NEK9: variants seen among roughly 807,000 people sequenced by gnomAD.
The protein encoded by NEK9 is serine/threonine-protein kinase Nek9.
NEK9 carries 75 observed loss-of-function variants against 123.4 expected under a neutral mutation model. That is an observed-to-expected ratio of 0.61 (90% CI 0.50 to 0.74). The LOEUF (loss-of-function observed/expected upper bound fraction) is 0.74. Among genes scored for constraint, NEK9 ranks in the 30% least tolerant of loss-of-function variants. NEK9 has a pLI of 0.00. For missense variants in NEK9, 952 were observed against 1,214.4 expected, an observed-to-expected ratio of 0.78 and a Z score of 3.21; for synonymous variants, 438 against 458.7, an observed-to-expected ratio of 0.95 and a Z score of 0.58.
At position 75,087,154 on chromosome 14, in the gene NEK9, G is replaced by C. The variant is rs529709953; in HGVS notation, c.2681C>G (p.Ser894Cys). 2.1e-5 allele frequency: 34 copies of C among 1,614,154 alleles called. No individual in the cohort carries two copies. The Admixed American group carries it at 5.0e-4, about 24-fold the overall frequency. ...PLTPPACACS[S>C]LQVEVERLQG... ...CAATCTCTCAACCTCCACCTGCAGA[G>C]AGCTGCACGCACACGCAGGAGGAGT... The change falls in exon 21 of 22, where the codon TCT (serine) becomes TGT (cysteine). Residue 894 changes from serine (S) to cysteine (C), a missense_variant. This residue lies in a region of NEK9 where 698 missense variants were observed against 875.6 expected (regional missense o/e 0.80). Transcript: ENST00000238616.
chr14:75,091,433 C>T lies in NEK9; in HGVS notation c.2279G>A (p.Gly760Asp). 6.2e-7 allele frequency: 1 copy of T among 1,609,816 alleles called. No homozygotes were observed. Among genetic ancestry groups the T allele is most frequent in the Non-Finnish European group, 8.5e-7 (1 of 1,178,274 alleles). Residue 760 changes from glycine (G) to aspartate (D), a missense_variant, in exon 19 of 22, where the codon GGT becomes GAT. Around this residue, in one of 4 missense-constraint regions of NEK9, gnomAD observed 698 missense variants for 875.6 expected, o/e 0.80. Transcript: ENST00000238616. ...TTCCTGCTGACTGTCCTCTTCTTCA[C>T]CACCGCCGCCCCCGCCGCCTCCTCC... ...SPGGGGGGGG[G>D]EEEDSQQESE...
Position 75,083,174 on chromosome 14 carries a change from G to A in NEK9, c.*1390C>T. 1 of 398,370 alleles carries A rather than the reference G, an allele frequency of 2.5e-6. No individual in the cohort carries two copies. Among genetic ancestry groups the A allele is most frequent in the Non-Finnish European group, 4.4e-6 (1 of 226,024 alleles). The allele number at this position is 398,370 out of a possible 1,614,324, so 24.7% of individuals were successfully genotyped here. The stretch of plus-strand genomic sequence containing the variant: ...AACAAAATTAATTTAGCTGTTTATA[G>A]GAAGGTGGGATGTGAGACTCATCAA... On this transcript the variant is annotated 3_prime_UTR_variant, in exon 22 of 22. Transcript: ENST00000238616.
chr14:75,099,607 C>A (rs1367837487), intron 16 of NEK9, among the ~76,000 whole-genome samples: 2 of 151,050 alleles, frequency 1.3e-5, no homozygotes, highest in Non-Finnish European at 3.0e-5. Flanking sequence ...CAGGGCAAAA[C>A]CCCATCTCTA....
Position 75,090,566 on chromosome 14 carries a change from CT to C in NEK9, c.2442+703del, listed in dbSNP as rs879420279. 2.5e-3 allele frequency among the ~76,000 whole-genome samples: 356 copies of C among 144,090 alleles called. 1 individual carries two copies. Among genetic ancestry groups the C allele is most frequent in the Non-Finnish European group, 2.5e-3 (163 of 65,386 alleles). 94.5% of individuals were successfully genotyped at this position (144,090 alleles called of 152,430 possible). On this transcript the variant is annotated intron_variant, in intron 19 of 21. Coordinates refer to ENST00000238616, the MANE Select transcript of NEK9 (RefSeq NM_033116.6). Reference sequence around the variant, plus strand: ...AAATAAATATACTTCAACATTCTTACTTTTTTTTTTTTTTGAACAGGGTTTT... The same window carrying C: ...AAATAAATATACTTCAACATTCTTACTTTTTTTTTTTTTGAACAGGGTTTT...
intron 17 of NEK9, chr14:75,096,829 C>CAAA (rs35432461): frequency 6.2e-5 from 17 of 273,672 alleles, no homozygotes; most frequent in Admixed American, 2.1e-4. Context: ...AAAAAAAAGA[C>CAAA]AAAAAAAAAC....
At chr14:75,124,966 G>T (rs1364700771) in intron 1 of NEK9, among the ~76,000 whole-genome samples, 4 of 150,098 alleles carry the variant, frequency 2.7e-5, no homozygotes, top group Non-Finnish European at 5.9e-5. Context: ...TAAGAGATGG[G>T]GTATCACTGT....
intron 21 of NEK9, chr14:75,085,212 C>T (rs540906600): frequency 3.9e-5 from 6 of 154,532 alleles, no homozygotes; most frequent in Non-Finnish European, 7.2e-5. Context: ...ACCAGGTTGC[C>T]CAGGCTGGTC....
At chr14:75,110,639 T>C (rs1463688009) in intron 8 of NEK9, among the ~76,000 whole-genome samples, 1 of 152,012 alleles carries the variant, frequency 6.6e-6, no homozygotes, top group East Asian at 1.9e-4. Flanking sequence ...ACAGAGAGCC[T>C]TGAGAACCTC....
chr14:75,126,019 G>A (rs1267750949), intron 1 of NEK9, among the ~76,000 whole-genome samples: 1 of 150,622 alleles, frequency 6.6e-6, no homozygotes, highest in Non-Finnish European at 1.5e-5. Flanking sequence ...TTGATGGAGG[G>A]GGCAAGATTA....
In NEK9 at chr14:75,084,486, G is replaced by T; in HGVS notation, c.*78C>A. 2 of 1,557,248 alleles carry T rather than the reference G, an allele frequency of 1.3e-6. No individual in the cohort carries two copies. Among genetic ancestry groups the T allele is most frequent in the Admixed American group, 3.6e-5 (2 of 55,800 alleles). On this transcript the variant is annotated 3_prime_UTR_variant, in exon 22 of 22. Transcript: ENST00000238616. ...TCTGCAAGTGAACAAAGCCAGGAAA[G>T]CTGCTCTCTGCATTCGGTAAGTGTG...
At chr14:75,120,952 G>A in intron 3 of NEK9, 167 bp downstream of exon 3, 1 of 707,168 alleles carries the variant, frequency 1.4e-6, no homozygotes, top group South Asian at 1.5e-5. Flanking sequence ...AGCAGCTATA[G>A]ACAGCTTCCT....
chr14:75,118,758 G>T, intron 5 of NEK9, 72 bp downstream of exon 5: 1 of 876,454 alleles, frequency 1.1e-6, no homozygotes, highest in Non-Finnish European at 1.9e-6. Context: ...AAGTATGCAA[G>T]ATTTAGGGAG....
rs978340638 is a variant in NEK9, at chr14:75,119,847, A to G, written c.524+663T>C. ...TTGAAAGATGCGAATAAACCAGAAC[A>G]ATATACTTTGTTACTTTTAAAAAGA... On this transcript the variant is annotated intron_variant, in intron 4 of 21. Coordinates refer to ENST00000238616, the MANE Select transcript of NEK9 (RefSeq NM_033116.6). Among the ~76,000 whole-genome samples the G allele has an allele frequency of 3.9e-5, 6 of 152,248 alleles. No homozygotes were observed. In the South Asian group the frequency reaches 8.3e-4, roughly 21 times the overall value.
At chr14:75,089,123 G>C (rs1226329733) in intron 19 of NEK9, among the ~76,000 whole-genome samples, 1 of 152,100 alleles carries the variant, frequency 6.6e-6, no homozygotes, top group Non-Finnish European at 1.5e-5. Flanking sequence ...CTGGAGTGCA[G>C]TGGCACAACC....
chr14:75,126,796 G>A lies in NEK9; in HGVS notation c.126C>T (p.Gly42=), dbSNP rs1280543822. 6 of 1,530,664 alleles carry A rather than the reference G, an allele frequency of 3.9e-6. No homozygotes were observed. Among genetic ancestry groups the A allele is most frequent in the African/African-American group, 1.4e-5 (1 of 69,952 alleles). 94.8% of individuals were successfully genotyped at this position (1,530,664 alleles called of 1,614,324 possible). A position where few individuals can be genotyped will look rare whatever the true frequency, so the allele number is the denominator to read the frequency against. The change falls in exon 1 of 22, where the codon GGC becomes GGT. Residue 42 remains glycine (G), a synonymous_variant. Transcript: ENST00000238616. Reference sequence around the variant, plus strand: ...GCAGTTCCTCCTGCTCCGCCGCGCCGCCGCCGGCTCGCGGCCCCTGACTGG... The same window carrying A: ...GCAGTTCCTCCTGCTCCGCCGCGCCACCGCCGGCTCGCGGCCCCTGACTGG... ...PSASQGPRAG[G]GAAEQEELHY... is the part of the protein sequence containing the mutation.
intron 17 of NEK9, 38 bp downstream of exon 17, chr14:75,097,062 T>A (rs1334087251): frequency 6.4e-7 from 1 of 1,564,994 alleles, no homozygotes; most frequent in African/African-American, 1.4e-5. Context: ...CCATCCTCTG[T>A]CAAAGCCATC....
intron 7 of NEK9, 147 bp from the exon 8 acceptor site, chr14:75,113,550 C>T (rs1566655866): frequency 1.6e-6 from 1 of 616,218 alleles, no homozygotes; most frequent in Non-Finnish European, 2.9e-6. Flanking sequence ...TGCTTCTCAC[C>T]TCATTATAAT....
At chr14:75,107,234 G>A (rs1594840041) in intron 11 of NEK9, 109 bp downstream of exon 11, 2 of 1,187,050 alleles carry the variant, frequency 1.7e-6, no homozygotes, top group Admixed American at 4.9e-5. Context: ...AGGTCCTCTG[G>A]TTCTTTGTAT....
intron 2 of NEK9, among the ~76,000 whole-genome samples, chr14:75,122,403 C>A (rs1337672055): frequency 1.3e-5 from 2 of 152,184 alleles, no homozygotes; most frequent in African/African-American, 4.8e-5. Flanking sequence ...TGGAGGTTCT[C>A]CTGTGCAATA....
Sources: allele counts gnomAD v4.1 joint callset (sites outside exome capture counted in the v4.1 genomes callset), GRCh38; gene constraint gnomAD v4.1.1; regional missense constraint gnomAD v4.1.1; transcripts MANE v1.5; gene names NCBI Gene and HGNC (gene_info 2026-07-23, HGNC 2026-07-21).